Variants in DNAH17 observed in about 807,000 individuals in gnomAD.
DNAH17 encodes dynein axonemal heavy chain 17.
A neutral mutation model predicts 485.6 loss-of-function variants in DNAH17; 376 were observed. The observed-to-expected ratio is 0.77, with a 90% CI of 0.71 to 0.84. The LOEUF is 0.84. Ranked by LOEUF, DNAH17 falls within the 40% of genes least tolerant of loss-of-function variation. The pLI is 0.00. For missense variants in DNAH17, 6,370 were observed against 5,839.3 expected (o/e 1.09, Z -2.96); for synonymous variants, 3,031 against 2,405.9 (o/e 1.26, Z -7.60).
intron 11 of DNAH17, among the ~76,000 whole-genome samples, chr17:78,565,831 T>G (rs2092255235): frequency 2.0e-5 from 3 of 152,064 alleles, no homozygotes; most frequent in Admixed American, 2.0e-4. Flanking sequence ...ATGCCTATAA[T>G]TCCAGCTACT....
At position 78,491,567 on chromosome 17, in the gene DNAH17, AG is replaced by A; in HGVS notation, c.6544del (p.Leu2182CysfsTer26). ...NPVTREWKDG[L>X]FSTIMRDLAN... ...CAGGTCTCGCATGATGGTGGAGAAC[AG>A]GCCTGGGGGAGGCGCGTGGTATGAC... On this transcript the variant is annotated frameshift_variant and splice_region_variant, in exon 43 of 81. Coordinates refer to ENST00000389840, the MANE Select transcript of DNAH17 (RefSeq NM_173628.4). LOFTEE classifies it high-confidence loss of function. 2.5e-6 allele frequency: 4 copies of A among 1,613,832 alleles called. No homozygotes were observed. In the South Asian group the frequency reaches 4.4e-5, roughly 18 times the overall value.
chr17:78,507,844 G>T (rs1349405291), intron 27 of DNAH17, 39 bp from the exon 28 acceptor site: 1 of 1,479,864 alleles, frequency 6.8e-7, no homozygotes, highest in South Asian at 1.3e-5. Flanking sequence ...CTGAGCATTT[G>T]GCATGCAAAG....
chr17:78,429,227 C>T lies in DNAH17; in HGVS notation c.12299G>A (p.Arg4100His), dbSNP rs577115141. 3.7e-6 allele frequency: 6 copies of T among 1,613,886 alleles called. No homozygotes were observed. Among genetic ancestry groups the T allele is most frequent in the East Asian group, 2.2e-5 (1 of 44,874 alleles). Reference sequence around the variant, plus strand: ...AGCCAGGTAGGTCCTGCACAGCCGACGGTCCCAGTCATCTGTGATGTGGCC... The same window carrying T: ...AGCCAGGTAGGTCCTGCACAGCCGATGGTCCCAGTCATCTGTGATGTGGCC... ...YGGHITDDWD[R>H]RLCRTYLAEY... The change falls in exon 76 of 81, where the codon CGT becomes CAT. Residue 4100 changes from arginine to histidine, a missense_variant. Transcript: ENST00000389840.
intron 19 of DNAH17, among the ~76,000 whole-genome samples, chr17:78,534,083 G>A (rs187653487): frequency 6.6e-6 from 1 of 152,216 alleles, no homozygotes; most frequent in Admixed American, 6.5e-5. Context: ...ATAGCAAAAG[G>A]CTCATCTGGG....
At position 78,460,270 on chromosome 17, in the gene DNAH17, T is replaced by C. The variant is rs623336; in HGVS notation, c.9340-13A>G. On this transcript the variant is annotated splice_polypyrimidine_tract_variant and intron_variant, in intron 58 of 80. Transcript: ENST00000389840. ...TCTCAGTGACGTTCTGGAAGGAAGA[T>C]GGACAGGAGAGGTTACTGCAGGCCT... is the stretch of plus-strand genomic sequence containing the variant. The C allele has an allele frequency of 1, 1,583,698 of 1,585,776 alleles. 790,812 individuals are homozygous for C. The highest frequency in any genetic ancestry group is 1 in the East Asian group (44,277 of 44,280).
chr17:78,570,547 G>A (rs1267418949), intron 6 of DNAH17, among the ~76,000 whole-genome samples, 175 bp from the exon 7 acceptor site: 3 of 151,944 alleles, frequency 2.0e-5, no homozygotes, highest in East Asian at 1.9e-4. Flanking sequence ...AGAAACCCAC[G>A]GCCCCACATG....
rs767852519 is a variant in DNAH17, at chr17:78,529,563, G to A, written c.3416C>T (p.Thr1139Ile). ...CTTCAGGGGCTCAAACATGTTGTCG[G>A]TGGCTGCTTGCCTCTCCTTGACTTT... ...LMKVKERQAATDNMFEPLKQT... is the reference protein window; with the variant it reads ...LMKVKERQAAIDNMFEPLKQT... Residue 1139 changes from threonine to isoleucine, a missense_variant, in exon 22 of 81, where the codon ACC becomes ATC. Physicochemically the swap from Thr to Ile is moderately conservative, Grantham distance 89 (BLOSUM62 -1). Transcript: ENST00000389840. The A allele has an allele frequency of 7.4e-6, 12 of 1,613,846 alleles. No homozygotes were observed. The highest frequency in any genetic ancestry group is 2.2e-5 in the South Asian group (2 of 91,074).
chr17:78,551,953 A>C (rs1215887598), intron 15 of DNAH17, among the ~76,000 whole-genome samples: 1 of 146,002 alleles, frequency 6.8e-6, no homozygotes, highest in Non-Finnish European at 1.5e-5. Flanking sequence ...ACAGAGTGAG[A>C]CTCTATCTCA....
chr17:78,529,834 C>T (rs1388579693), intron 21 of DNAH17, 140 bp from the exon 22 acceptor site: 1 of 786,970 alleles, frequency 1.3e-6, no homozygotes, highest in South Asian at 1.8e-5. Context: ...AGGGAGCGCC[C>T]CTGCCCACCT....
chr17:78,548,028 C>G (rs1288984180), intron 16 of DNAH17, among the ~76,000 whole-genome samples: 1 of 152,140 alleles, frequency 6.6e-6, no homozygotes, highest in African/African-American at 2.4e-5. Context: ...AAATTGTCCT[C>G]CGTTTAATAT....
rs765424936 is a variant in DNAH17, at chr17:78,424,092, C to T, written c.13203G>A (p.Pro4401=). ...CCTTGATGAAGATGACAGGCATGGCCGGGGTCAGCTCTTTCAGCCGCGCTT... is the reference window on the plus strand; with the variant it reads ...CCTTGATGAAGATGACAGGCATGGCTGGGGTCAGCTCTTTCAGCCGCGCTT... The part of the protein sequence containing the change: ...IAEARLKELT[P]AMPVIFIKAI... The change falls in exon 81 of 81, where the codon CCG becomes CCA. Residue 4401 remains proline, a synonymous_variant. Coordinates refer to ENST00000389840, the MANE Select transcript of DNAH17 (RefSeq NM_173628.4). The T allele has an allele frequency of 2.3e-5, 37 of 1,613,784 alleles. 1 individual carries two copies. The highest frequency in any genetic ancestry group is 3.3e-5 in the Admixed American group (2 of 60,002).
chr17:78,529,382 C>CATGGTTGCGTTTGATGGGCTGGTCCATGG, intron 22 of DNAH17, 90 bp downstream of exon 22: 1 of 1,258,760 alleles, frequency 7.9e-7, no homozygotes, highest in Non-Finnish European at 1.1e-6. Flanking sequence ...CAGCATCCCC[C>CATGGTTGCGTTTGATGGGCTGGTCCATGG]ATGGTTGCGT....
chr17:78,499,833 G>C (rs1438655690), intron 36 of DNAH17: 1 of 154,138 alleles, frequency 6.5e-6, no homozygotes, highest in Non-Finnish European at 1.4e-5. Context: ...GGCTGCTGCA[G>C]CCTGGAGCTC....
In DNAH17 at chr17:78,475,677, T is replaced by A. The variant is rs1006717577; in HGVS notation, c.8311A>T (p.Met2771Leu). The change falls in exon 53 of 81, where the codon ATG becomes TTG. Residue 2771 changes from methionine (M) to leucine (L), a missense_variant. Physicochemically the swap from Met to Leu is conservative, Grantham distance 15. Transcript: ENST00000389840. ...AGCTCCAGCCTGCTCACCAAATTCA[T>A]GACTGCATTAACTTCATTGTAGCTG... is the stretch of plus-strand genomic sequence containing the variant. The part of the protein sequence containing the change: ...LDSYNEVNAV[M>L]NLVLFEDAVA... 6.2e-7 allele frequency: 1 copy of A among 1,613,604 alleles called. No homozygotes were observed. Among genetic ancestry groups the A allele is most frequent in the African/African-American group, 1.3e-5 (1 of 74,910 alleles).
Position 78,426,584 on chromosome 17 carries a change from G to GTGAT in DNAH17, c.12784_12787dup (p.Thr4263AsnfsTer15). ...CGTGGACAGATCTTCCACGTCGGTCGTGATGGTCAGTTCTCCCTAGGAGAC... is the reference window on the plus strand; with the variant it reads ...CGTGGACAGATCTTCCACGTCGGTCGTGATTGATGGTCAGTTCTCCCTAGGAGAC... On this transcript the variant is annotated frameshift_variant, in exon 79 of 81. Transcript: ENST00000389840. LOFTEE classifies it high-confidence loss of function. 6.2e-7 allele frequency: 1 copy of GTGAT among 1,609,818 alleles called. No homozygotes were observed.
intron 54 of DNAH17, among the ~76,000 whole-genome samples, chr17:78,471,144 A>G (rs938409301): frequency 1.3e-5 from 2 of 152,224 alleles, no homozygotes; most frequent in African/African-American, 2.4e-5. Flanking sequence ...AAAAGTGTCC[A>G]TATAGGCACC....
chr17:78,548,202 C>CTTTTTTTTTTTTTTTTTTTTTTTTTT (rs34701814), intron 16 of DNAH17, among the ~76,000 whole-genome samples: 1 of 80,102 alleles, frequency 1.2e-5, no homozygotes, highest in Non-Finnish European at 2.2e-5. Flanking sequence ...ATGTCATGGC[C>CTTTTTTTTTTTTTTTTTTTTTTTTTT]TTTTTTTTTT....
chr17:78,571,687 G>A lies in DNAH17; in HGVS notation c.635C>T (p.Ser212Leu). 5.6e-6 allele frequency: 9 copies of A among 1,614,026 alleles called. No homozygotes were observed. The highest frequency in any genetic ancestry group is 7.6e-6 in the Non-Finnish European group (9 of 1,179,882). Residue 212 changes from serine to leucine, a missense_variant, in exon 4 of 81, where the codon TCA becomes TTA. Transcript: ENST00000389840. ...CAGCCCATCCAGCAGCGCCTGGGCT[G>A]AGTCTTTGCTCAGCACATCCCGGAT... ...HQIRDVLSKD[S>L]AQALLDGLHP...
chr17:78,490,776 G>C lies in DNAH17; in HGVS notation c.6741C>G (p.His2247Gln). 1 of 1,605,616 alleles carries C rather than the reference G, an allele frequency of 6.2e-7. No homozygotes were observed. The highest frequency in any genetic ancestry group is 2.2e-5 in the East Asian group (1 of 44,496). Residue 2247 changes from histidine (H) to glutamine (Q), a missense_variant, in exon 44 of 81, where the codon CAC becomes CAG. Coordinates refer to ENST00000389840, the MANE Select transcript of DNAH17 (RefSeq NM_173628.4). ...CGGTGGCTGGGGTGGCCGTCCTCAG[G>C]TGGCTGATTTCGAACACCAGCCTCA... ...RTMRLVFEIS[H>Q]LRTATPATVS...
Sources: gnomAD v4.1 joint callset for allele counts (sites outside exome capture counted in the v4.1 genomes callset) on GRCh38, gnomAD v4.1.1 for gene constraint, MANE v1.5 for transcripts, NCBI Gene and HGNC (gene_info 2026-07-23, HGNC 2026-07-21) for gene names.